The following SKAP2 variants were observed in gnomAD, a reference collection of about 807,000 sequenced individuals.
The protein encoded by SKAP2 is src kinase associated phosphoprotein 2.
Under a neutral mutation model 54.9 loss-of-function variants are expected in SKAP2, and 28 were observed. That is an observed-to-expected ratio of 0.51 (90% CI 0.38 to 0.70). The LOEUF is 0.70. SKAP2 is among the 30% of genes least tolerant of loss of function. The pLI is 0.00. For missense variants in SKAP2, 356 were observed against 424.1 expected (o/e 0.84, Z 1.41); for synonymous variants, 137 against 134.3 (o/e 1.02, Z -0.14).
intron 9 of SKAP2, among the ~76,000 whole-genome samples, chr7:26,713,395 C>A (rs1366906189): frequency 6.7e-6 from 1 of 150,234 alleles, no homozygotes; most frequent in Non-Finnish European, 1.5e-5. Flanking sequence ...ATCTGACATG[C>A]AATGGGCTTT....
chr7:26,802,830 A>G (rs627539), intron 4 of SKAP2, among the ~76,000 whole-genome samples: 122,144 of 151,782 alleles, frequency 0.8, 49,379 homozygotes, highest in Middle Eastern at 0.88. Context: ...GCAGTGAGTC[A>G]AGATCGCACT....
chr7:26,729,810 C>G (rs532362993), intron 6 of SKAP2, among the ~76,000 whole-genome samples: 4 of 151,936 alleles, frequency 2.6e-5, no homozygotes, highest in Non-Finnish European at 5.9e-5. Context: ...TAAATAAATG[C>G]CAATAACCAA....
At chr7:26,807,738 A>G (rs1784059483) in intron 4 of SKAP2, among the ~76,000 whole-genome samples, 1 of 152,176 alleles carries the variant, frequency 6.6e-6, no homozygotes. Flanking sequence ...CTGTTATCTT[A>G]CTTTTAAAAA....
At chr7:26,792,237 G>A (rs528022229) in intron 4 of SKAP2, among the ~76,000 whole-genome samples, 1 of 152,296 alleles carries the variant, frequency 6.6e-6, no homozygotes, top group South Asian at 2.1e-4. Context: ...TTTTTGGGGT[G>A]CTGGAAATGT....
At chr7:26,673,887 C>G (rs73075505) in intron 11 of SKAP2, among the ~76,000 whole-genome samples, 2,132 of 152,120 alleles carry the variant, frequency 0.014, 31 homozygotes, top group Non-Finnish European at 0.022. Flanking sequence ...GAGACTTTAT[C>G]CAACATAATA....
intron 4 of SKAP2, among the ~76,000 whole-genome samples, chr7:26,840,379 G>A (rs555890968): frequency 6.6e-6 from 1 of 152,156 alleles, no homozygotes; most frequent in South Asian, 2.1e-4. Context: ...TTACCTTAGA[G>A]ACTTTCCATA....
At chr7:26,860,419 T>C (rs909423602) in intron 1 of SKAP2, among the ~76,000 whole-genome samples, 21 of 152,300 alleles carry the variant, frequency 1.4e-4, no homozygotes, top group Non-Finnish European at 2.4e-4. Flanking sequence ...GGAGGTACGA[T>C]AGATTTCATT....
chr7:26,746,395 TA>T (rs762278268), intron 4 of SKAP2, among the ~76,000 whole-genome samples: 16 of 152,170 alleles, frequency 1.1e-4, no homozygotes, highest in Non-Finnish European at 2.1e-4. Context: ...GTTTTAAGTA[TA>T]AAAATTCACT....
At chr7:26,706,163 AT>A (rs1365340322) in intron 9 of SKAP2, among the ~76,000 whole-genome samples, 2 of 152,188 alleles carry the variant, frequency 1.3e-5, no homozygotes, top group Admixed American at 1.3e-4. Flanking sequence ...CATACTATTT[AT>A]ATTAATATCC....
chr7:26,776,177 C>T (rs998037535), intron 4 of SKAP2, among the ~76,000 whole-genome samples: 2 of 152,090 alleles, frequency 1.3e-5, no homozygotes, highest in African/African-American at 4.8e-5. Context: ...GTTTTTCAGT[C>T]TACTTTTGTA....
rs868144618 is a variant in SKAP2 at position 26,678,804 on chromosome 7, A to C, written c.987+5932T>G. 2.0e-5 allele frequency among the ~76,000 whole-genome samples: 3 copies of C among 152,150 alleles called. 1 individual carries two copies. The Middle Eastern group carries it at 0.01, about 518-fold the overall frequency. On this transcript the variant is annotated intron_variant, in intron 11 of 12. Transcript: ENST00000345317. ...TCTGTCACTTATCTATAATTTACTA[A>C]ATATCGACTCTAAAACTTTTCTTAA...
downstream of SKAP2, among the ~76,000 whole-genome samples, chr7:26,666,013 A>C (rs939946905): frequency 1.3e-5 from 2 of 151,982 alleles, no homozygotes; most frequent in African/African-American, 4.8e-5. Context: ...ACACACACAC[A>C]AAGTATTCTT....
chr7:26,670,038 A>C (rs1291757438), intron 12 of SKAP2, 53 bp downstream of exon 12: 2 of 740,652 alleles, frequency 2.7e-6, no homozygotes, highest in Non-Finnish European at 4.9e-6. Context: ...CATAACGAAG[A>C]GACCAAGAGA....
At chr7:26,791,206 G>T (rs28733208) in intron 4 of SKAP2, among the ~76,000 whole-genome samples, 1 of 152,022 alleles carries the variant, frequency 6.6e-6, no homozygotes, top group African/African-American at 2.4e-5. Context: ...TTTTATTTCT[G>T]TAATACCAAA....
intron 4 of SKAP2, among the ~76,000 whole-genome samples, chr7:26,792,864 T>C (rs1562612318): frequency 6.6e-6 from 1 of 152,182 alleles, no homozygotes; most frequent in Non-Finnish European, 1.5e-5. Context: ...CTAAGAATGT[T>C]TGCAAGGACT....
chr7:26,812,086 C>T lies in SKAP2; in HGVS notation c.307+31944G>A, dbSNP rs192820605. The stretch of plus-strand genomic sequence containing the variant: ...TGATTTGTTTTTAAGGGAACTGTTT[C>T]AAAGATGTTAACCGAAATTGCAAAG... On this transcript the variant is annotated intron_variant, in intron 4 of 12. Transcript: ENST00000345317. Among the ~76,000 whole-genome samples, 6 of 152,204 alleles carry T rather than the reference C, an allele frequency of 3.9e-5. No individual in the cohort carries two copies. The East Asian group carries it at 1.2e-3, about 29-fold the overall frequency.
At chr7:26,805,986 TC>T (rs1476194211) in intron 4 of SKAP2, among the ~76,000 whole-genome samples, 1 of 152,200 alleles carries the variant, frequency 6.6e-6, no homozygotes, top group Non-Finnish European at 1.5e-5. Flanking sequence ...AATTTTCACA[TC>T]TGAAACTTTT....
chr7:26,857,685 G>T, intron 1 of SKAP2: 1 of 985,458 alleles, frequency 1.0e-6, no homozygotes, highest in South Asian at 4.7e-5. Context: ...CAGTGAGCAT[G>T]GAGAGCCGGG....
At chr7:26,778,662 T>C (rs577152211) in intron 4 of SKAP2, among the ~76,000 whole-genome samples, 3 of 152,068 alleles carry the variant, frequency 2.0e-5, no homozygotes, top group South Asian at 2.1e-4. Flanking sequence ...TGACCTCAGA[T>C]AAGTTACTTA....
Sources: allele counts gnomAD v4.1 joint callset (sites outside exome capture counted in the v4.1 genomes callset), GRCh38; gene constraint gnomAD v4.1.1; transcripts MANE v1.5; gene names NCBI Gene and HGNC (gene_info 2026-07-23, HGNC 2026-07-21).